Variants in RPL24 observed in about 807,000 individuals in gnomAD.
The protein encoded by RPL24 is ribosomal protein L24.
A neutral mutation model predicts 26.4 loss-of-function variants in RPL24; 7 were observed. The ratio of observed to expected loss-of-function variants is 0.27; its 90% CI spans 0.15 to 0.50. RPL24 has a LOEUF of 0.50. Among genes scored for constraint, RPL24 ranks in the 20% least tolerant of loss-of-function variants. The pLI, the probability that RPL24 is intolerant of heterozygous loss-of-function variation, is 0.98. For missense variants in RPL24, 109 were observed against 194.9 expected (o/e 0.56, Z 2.62); for synonymous variants, 67 against 65.2 (o/e 1.03, Z -0.13).
intron 2 of RPL24, 170 bp downstream of exon 2, chr3:101,686,312 A>G: frequency 1.6e-6 from 1 of 611,786 alleles, no homozygotes; most frequent in South Asian, 2.0e-5. Flanking sequence ...ATAAATAATC[A>G]ACACTGGTTC....
chr3:101,682,499 G>A lies in RPL24; in HGVS notation c.330-7C>T, dbSNP rs189113214. The A allele has an allele frequency of 1.7e-3, 2,789 of 1,610,710 alleles. 7 individuals carry two copies. The highest frequency in any genetic ancestry group is 2.2e-3 in the Non-Finnish European group (2,600 of 1,178,396). On this transcript the variant is annotated splice_polypyrimidine_tract_variant and splice_region_variant and intron_variant, in intron 4 of 5. Transcript: ENST00000394077. ...TTTTGCTTCCTTAGCAGCCCTGTGG[G>A]GTAAAAGTAACTTAAGGCAAAAGCA...
chr3:101,682,345 T>C, intron 5 of RPL24, 84 bp downstream of exon 5: 1 of 1,095,376 alleles, frequency 9.1e-7, no homozygotes, highest in East Asian at 2.4e-5. Flanking sequence ...CACCCCATCC[T>C]GGGCAACAGA....
chr3:101,686,548 C>T lies in RPL24; in HGVS notation c.15G>A (p.Leu5=). 6.2e-7 allele frequency: 1 copy of T among 1,614,200 alleles called. No individual in the cohort carries two copies. The highest frequency in any genetic ancestry group is 8.5e-7 in the Non-Finnish European group (1 of 1,180,024). The change falls in exon 2 of 6, where the codon CTG becomes CTA. Residue 5 remains leucine (L), a synonymous_variant. Coordinates refer to ENST00000394077, the MANE Select transcript of RPL24 (RefSeq NM_000986.4). The part of the protein sequence containing the change: MKVE[L]CSFSGYKIYP... ...AGATCTTGTACCCGCTAAAACTGCA[C>T]AGCTCGACCCTGCAACAAAAAGTGA...
intron 5 of RPL24, 38 bp downstream of exon 5, chr3:101,682,391 T>C (rs777827427): frequency 2.6e-6 from 4 of 1,543,242 alleles, no homozygotes; most frequent in Non-Finnish European, 3.6e-6. Flanking sequence ...AATTTTCCTG[T>C]TGTATTGTTC....
In RPL24 at chr3:101,682,774, A is replaced by G. The variant is rs1218569461; in HGVS notation, c.326T>C (p.Ile109Thr). The change falls in exon 4 of 6, where the codon ATC (isoleucine) becomes ACC (threonine). Residue 109 changes from isoleucine (I) to threonine (T), a missense_variant. Physicochemically the swap from Ile to Thr is moderately conservative, Grantham distance 89. Transcript: ENST00000394077. ...TCATAATGAAAGCATTCCTCACCTG[A>G]TAGCTTGTTCTCGTTGAGCCTTTCT... ...EVRKAQREQAIRAAKEAKKAK... is the reference protein window; with the variant it reads ...EVRKAQREQATRAAKEAKKAK... 3 of 1,612,598 alleles carry G rather than the reference A, an allele frequency of 1.9e-6. No individual in the cohort carries two copies. In the African/African-American group the frequency reaches 4.0e-5, roughly 22 times the overall value.
At chr3:101,685,587 G>A (rs1223789717) in intron 3 of RPL24, among the ~76,000 whole-genome samples, 1 of 152,156 alleles carries the variant, frequency 6.6e-6, no homozygotes, top group Non-Finnish European at 1.5e-5. Context: ...GCCCTATAAC[G>A]CAAAGGTGCT....
At chr3:101,681,289 T>C (rs1008599559) in intron 5 of RPL24, 74 bp from the exon 6 acceptor site, 7 of 997,326 alleles carry the variant, frequency 7.0e-6, no homozygotes, top group Middle Eastern at 2.1e-4. Flanking sequence ...CACATCCAGA[T>C]TGTTTATGTA....
chr3:101,685,166 G>A (rs576125968), intron 3 of RPL24, among the ~76,000 whole-genome samples: 2 of 151,476 alleles, frequency 1.3e-5, no homozygotes, highest in Non-Finnish European at 1.5e-5. Flanking sequence ...ACCAACACCT[G>A]TAATTCCTGT....
intron 3 of RPL24, among the ~76,000 whole-genome samples, chr3:101,684,777 A>C (rs13091935): frequency 0.2 from 4,295 of 21,910 alleles, 414 homozygotes; most frequent in Non-Finnish European, 0.23. Context: ...CTGTCTCCCC[A>C]AAAAAAAAAA....
At position 101,684,776 on chromosome 3, in the gene RPL24, C is replaced by CAAAAAAAAAAAAAAAAAAAAA; in HGVS notation, c.192+1021_192+1041dup. On this transcript the variant is annotated intron_variant, in intron 3 of 5. Transcript: ENST00000394077. ...CTGAGCAACAGAGGACCTGTCTCCCCAAAAAAAAAAAAAAAAAAAAAAAAA... is the reference window on the plus strand; with the variant it reads ...CTGAGCAACAGAGGACCTGTCTCCCCAAAAAAAAAAAAAAAAAAAAAAAAAAAAAAAAAAAAAAAAAAAAAA... Among the ~76,000 whole-genome samples the CAAAAAAAAAAAAAAAAAAAAA allele has an allele frequency of 8.8e-4, 47 of 53,210 alleles. 5 individuals carry two copies. Among genetic ancestry groups the CAAAAAAAAAAAAAAAAAAAAA allele is most frequent in the East Asian group, 1.4e-3 (2 of 1,406 alleles). The allele number at this position is 53,210 out of a possible 152,430, so 34.9% of individuals were successfully genotyped here. A position where few individuals can be genotyped will look rare whatever the true frequency, so the allele number is the denominator to read the frequency against.
intron 2 of RPL24, 39 bp from the exon 3 acceptor site, chr3:101,685,967 A>G: frequency 2.3e-6 from 3 of 1,302,588 alleles, no homozygotes; most frequent in Middle Eastern, 1.8e-4. Context: ...ATTTAACTAT[A>G]CAAAGTACAA....
intron 3 of RPL24, among the ~76,000 whole-genome samples, chr3:101,683,405 C>T (rs1937286390): frequency 6.6e-6 from 1 of 152,180 alleles, no homozygotes; most frequent in Non-Finnish European, 1.5e-5. Context: ...AAAGATCTTG[C>T]AGTGCACCTT....
chr3:101,681,363 C>A, intron 5 of RPL24, 148 bp from the exon 6 acceptor site: 1 of 626,966 alleles, frequency 1.6e-6, no homozygotes. Context: ...TGTGACTACC[C>A]TTAAATATTT....
chr3:101,682,635 G>T, intron 4 of RPL24, 136 bp downstream of exon 4: 1 of 1,182,238 alleles, frequency 8.5e-7, no homozygotes, highest in Non-Finnish European at 1.2e-6. Flanking sequence ...TAAATCCAAA[G>T]AATTTGTCAA....
At position 101,682,916 on chromosome 3, in the gene RPL24, C is replaced by A. The variant is rs1559992687; in HGVS notation, c.193-9G>T. ...TTCTTTTGAATTTCTTCCTGCAAAA[C>A]AAAGATGAGGGGCACACTTAGGAAC... On this transcript the variant is annotated splice_polypyrimidine_tract_variant and intron_variant, in intron 3 of 5. Coordinates refer to ENST00000394077, the MANE Select transcript of RPL24 (RefSeq NM_000986.4). 1 of 1,612,216 alleles carries A rather than the reference C, an allele frequency of 6.2e-7. No individual in the cohort carries two copies. The highest frequency in any genetic ancestry group is 8.5e-7 in the Non-Finnish European group (1 of 1,178,894).
intron 2 of RPL24, chr3:101,686,153 T>C (rs1216102239): frequency 2.4e-5 from 14 of 578,254 alleles, no homozygotes; most frequent in Non-Finnish European, 3.7e-5. Context: ...TCTAGGCTCA[T>C]AGCAAAGGAC....
chr3:101,682,059 A>G (rs1937269890), intron 5 of RPL24: 1 of 188,386 alleles, frequency 5.3e-6, no homozygotes, highest in Admixed American at 5.7e-5. Context: ...TAGACTGAAA[A>G]TAAATTTTCC....
chr3:101,682,587 C>A, intron 4 of RPL24, 95 bp from the exon 5 acceptor site: 1 of 1,164,502 alleles, frequency 8.6e-7, no homozygotes, highest in South Asian at 1.4e-5. Context: ...GTACAATGAC[C>A]ATATTCCTTC....
At chr3:101,685,701 A>G in intron 3 of RPL24, 117 bp downstream of exon 3, 1 of 550,706 alleles carries the variant, frequency 1.8e-6, no homozygotes, top group Non-Finnish European at 3.3e-6. Context: ...GACGCTTTAC[A>G]GTTTAAGAGC....
Sources: allele counts gnomAD v4.1 joint callset (sites outside exome capture counted in the v4.1 genomes callset), GRCh38; gene constraint gnomAD v4.1.1; transcripts MANE v1.5; gene names NCBI Gene and HGNC (gene_info 2026-07-23, HGNC 2026-07-21).